NEURL1: variants seen among roughly 807,000 people sequenced by gnomAD.
NEURL1 encodes E3 ubiquitin-protein ligase NEURL1.
Under a neutral mutation model 41.2 loss-of-function variants are expected in NEURL1, and 26 were observed. That is an observed-to-expected ratio of 0.63 (90% confidence interval 0.46 to 0.87). The LOEUF (loss-of-function observed/expected upper bound fraction) is 0.87. Ranked by LOEUF, NEURL1 falls within the 40% of genes least tolerant of loss-of-function variation. The pLI, the probability that NEURL1 is intolerant of heterozygous loss-of-function variation, is 0.00. For missense variants in NEURL1, 761 were observed against 871.1 expected (o/e 0.87, Z 1.59); for synonymous variants, 400 against 402.3 (o/e 0.99, Z 0.07).
In NEURL1 at chr10:103,584,744, G is replaced by A. The variant is rs781706160; in HGVS notation, c.858G>A (p.Leu286=). The A allele has an allele frequency of 1.3e-4, 185 of 1,463,358 alleles. 1 individual carries two copies. Among genetic ancestry groups the A allele is most frequent in the Admixed American group, 2.2e-4 (9 of 40,812 alleles). The allele number at this position is 1,463,358 out of a possible 1,614,324, so 90.6% of individuals were successfully genotyped here. A position where few individuals can be genotyped will look rare whatever the true frequency, so the allele number is the denominator to read the frequency against. The change falls in exon 4 of 6, where the codon CTG becomes CTA. Residue 286 remains leucine, a synonymous_variant. Transcript: ENST00000369780. Reference sequence around the variant, plus strand: ...TCAACTCGCAGCACAGCCGCGCGCTGCCGGCGCAGCTCGACGGCGACCTGC... The same window carrying A: ...TCAACTCGCAGCACAGCCGCGCGCTACCGGCGCAGCTCGACGGCGACCTGC... The part of the protein sequence containing the change: ...NSLNSQHSRA[L]PAQLDGDLRF...
At chr10:103,587,336 A>G (rs1319067676) in intron 4 of NEURL1, among the ~76,000 whole-genome samples, 1 of 152,208 alleles carries the variant, frequency 6.6e-6, no homozygotes, top group African/African-American at 2.4e-5. Context: ...GGTTTACTAG[A>G]CTGGAGCAAA....
chr10:103,523,605 C>G (rs1241858126), intron 1 of NEURL1, among the ~76,000 whole-genome samples: 2 of 152,160 alleles, frequency 1.3e-5, no homozygotes, highest in African/African-American at 2.4e-5. Flanking sequence ...TCCCTCTCCC[C>G]CTTCCTTTTC....
chr10:103,588,080 G>A (rs2035959064), intron 4 of NEURL1, among the ~76,000 whole-genome samples: 5 of 151,946 alleles, frequency 3.3e-5, no homozygotes, highest in Admixed American at 6.5e-5. Flanking sequence ...TGAGGCGGGT[G>A]GATCACAAGG....
chr10:103,502,093 A>G (rs1306955400), intron 1 of NEURL1, among the ~76,000 whole-genome samples: 1 of 152,136 alleles, frequency 6.6e-6, no homozygotes, highest in Non-Finnish European at 1.5e-5. Context: ...TATACACGAG[A>G]CAGCTGAGAT....
In NEURL1 at chr10:103,589,569, C is replaced by T; in HGVS notation, c.1395C>T (p.Ser465=). The T allele has an allele frequency of 1.2e-6, 2 of 1,613,984 alleles. No individual in the cohort carries two copies. The highest frequency in any genetic ancestry group is 2.2e-5 in the East Asian group (1 of 44,874). Residue 465 remains serine, a synonymous_variant, in exon 5 of 6, where the codon TCC becomes TCT. Coordinates refer to ENST00000369780, the MANE Select transcript of NEURL1 (RefSeq NM_004210.5). ...CATCACTCCCCTGCTCCCCTGCCTC[C>T]ACGCCAACCTCGCCCAGTGCCCTGG... ...GIPSLPCSPA[S]TPTSPSALGS... is the part of the protein sequence containing the mutation.
chr10:103,540,580 A>C (rs1422287404), intron 1 of NEURL1, among the ~76,000 whole-genome samples: 1 of 152,120 alleles, frequency 6.6e-6, no homozygotes, highest in Admixed American at 6.6e-5. Flanking sequence ...GCGAACCACC[A>C]CGCCCAGCCT....
intron 3 of NEURL1, among the ~76,000 whole-genome samples, chr10:103,582,858 AC>A (rs1289378500): frequency 6.6e-6 from 1 of 152,236 alleles, no homozygotes; most frequent in Non-Finnish European, 1.5e-5. Flanking sequence ...AGATTGACTC[AC>A]GCAGAAAGGC....
At chr10:103,506,905 A>C (rs1206462666) in intron 1 of NEURL1, among the ~76,000 whole-genome samples, 1 of 152,050 alleles carries the variant, frequency 6.6e-6, no homozygotes, top group Non-Finnish European at 1.5e-5. Context: ...CTTTCCAGCT[A>C]ATGTTCCTTT....
chr10:103,507,794 C>T (rs2033981934), intron 1 of NEURL1, among the ~76,000 whole-genome samples: 1 of 152,200 alleles, frequency 6.6e-6, no homozygotes, highest in African/African-American at 2.4e-5. Flanking sequence ...AGAGGCAGCA[C>T]CTGCGGTGTG....
intron 1 of NEURL1, among the ~76,000 whole-genome samples, chr10:103,500,169 G>A (rs1223377515): frequency 2.0e-5 from 3 of 152,092 alleles, no homozygotes; most frequent in Non-Finnish European, 4.4e-5. Context: ...ATGCCCTGTT[G>A]GTTTTCAGTT....
At chr10:103,530,798 C>T (rs867853548) in intron 1 of NEURL1, among the ~76,000 whole-genome samples, 12 of 123,292 alleles carry the variant, frequency 9.7e-5, no homozygotes, top group Non-Finnish European at 1.7e-4. Flanking sequence ...GCCTCAGCCT[C>T]CCAAAGTTCT....
rs778247594 is a variant in NEURL1, at chr10:103,571,123, C to T, written c.327+10C>T. 2.5e-6 allele frequency: 4 copies of T among 1,609,380 alleles called. No individual in the cohort carries two copies. Among genetic ancestry groups the T allele is most frequent in the South Asian group, 2.2e-5 (2 of 90,940 alleles). On this transcript the variant is annotated intron_variant, in intron 2 of 5. Transcript: ENST00000369780. Reference sequence around the variant, plus strand: ...GCAAGTCAGGCTGAAGGTGGGCCTGCCCCCTGCCCCCGCCCCCGCCTCCTG... The same window carrying T: ...GCAAGTCAGGCTGAAGGTGGGCCTGTCCCCTGCCCCCGCCCCCGCCTCCTG...
At chr10:103,544,686 C>T (rs916300861) in intron 1 of NEURL1, among the ~76,000 whole-genome samples, 17 of 152,330 alleles carry the variant, frequency 1.1e-4, no homozygotes, top group Middle Eastern at 3.4e-3. Flanking sequence ...AAAGAGCTCT[C>T]TTCCCCAGAG....
intron 1 of NEURL1, among the ~76,000 whole-genome samples, chr10:103,497,784 C>G (rs1257208028): frequency 6.7e-6 from 1 of 150,338 alleles, no homozygotes; most frequent in Non-Finnish European, 1.5e-5. Flanking sequence ...ATAAGACACC[C>G]CTGGGCTTTC....
chr10:103,512,393 C>T (rs1475857888), intron 1 of NEURL1, among the ~76,000 whole-genome samples: 1 of 152,208 alleles, frequency 6.6e-6, no homozygotes, highest in Non-Finnish European at 1.5e-5. Flanking sequence ...GTGCAGCCAA[C>T]CCACAGGACT....
intron 1 of NEURL1, among the ~76,000 whole-genome samples, chr10:103,538,065 T>C (rs1468901641): frequency 6.6e-6 from 1 of 152,182 alleles, no homozygotes; most frequent in Non-Finnish European, 1.5e-5. Flanking sequence ...GATTCATGCA[T>C]GCTATGGTGT....
At chr10:103,519,114 G>A (rs978956001) in intron 1 of NEURL1, among the ~76,000 whole-genome samples, 5 of 152,018 alleles carry the variant, frequency 3.3e-5, no homozygotes, top group Admixed American at 3.3e-4. Context: ...GGGCATGGTG[G>A]CGGGTGCCTG....
intron 1 of NEURL1, among the ~76,000 whole-genome samples, chr10:103,518,852 C>T (rs2133853710): frequency 6.6e-6 from 1 of 152,290 alleles, no homozygotes; most frequent in South Asian, 2.1e-4. Flanking sequence ...GGAGAATTGG[C>T]TGGGGTTGAG....
intron 3 of NEURL1, among the ~76,000 whole-genome samples, chr10:103,572,976 G>A (rs2035581652): frequency 6.6e-6 from 1 of 151,790 alleles, no homozygotes; most frequent in African/African-American, 2.4e-5. Context: ...AAGAGGCCAT[G>A]AAGGTGGTTG....
Sources: allele counts gnomAD v4.1 joint callset (sites outside exome capture counted in the v4.1 genomes callset), GRCh38; gene constraint gnomAD v4.1.1; transcripts MANE v1.5; gene names NCBI Gene and HGNC (gene_info 2026-07-23, HGNC 2026-07-21).